Variants in OTULIN observed in about 807,000 individuals in gnomAD.
OTULIN encodes the protein ubiquitin thioesterase otulin.
OTULIN carries 15 observed loss-of-function variants against 39.6 expected under a neutral mutation model. The ratio of observed to expected loss-of-function variants is 0.38; its 90% CI spans 0.25 to 0.58. The LOEUF (loss-of-function observed/expected upper bound fraction) is 0.58, where lower values mean the gene tolerates loss of function less well. Ranked by LOEUF, OTULIN falls within the 20% of genes least tolerant of loss-of-function variation. The pLI is 0.66. For missense variants in OTULIN, 319 were observed against 445.9 expected (o/e 0.72, Z 2.56); for synonymous variants, 156 against 170.3 (o/e 0.92, Z 0.65).
At chr5:14,681,388 T>C in intron 3 of OTULIN, 76 bp from the exon 4 acceptor site, 1 of 1,513,116 alleles carries the variant, frequency 6.6e-7, no homozygotes, top group Non-Finnish European at 8.9e-7. Context: ...GCCAAGCTTT[T>C]TCCACAGGAA....
rs1201195718 is a variant in OTULIN, at chr5:14,698,372, G to A, written c.*5324G>A. ...ATGTGTCCAAAATTTCGCCTGCTCT[G>A]AAAAACATGCCCCCGAGGCTCTGTG... On this transcript the variant is annotated 3_prime_UTR_variant, in exon 7 of 7. Coordinates refer to ENST00000284274, the MANE Select transcript of OTULIN (RefSeq NM_138348.6). The A allele has an allele frequency of 1.3e-5, 2 of 152,218 alleles. No individual in the cohort carries two copies. Among genetic ancestry groups the A allele is most frequent in the Admixed American group, 1.3e-4 (2 of 15,282 alleles). The allele number at this position is 152,218 out of a possible 1,614,324, so 9.4% of individuals were successfully genotyped here.
Position 14,693,090 on chromosome 5 carries a change from C to G in OTULIN, c.*42C>G. Reference sequence around the variant, plus strand: ...ACAGCCTGGCGACGTGGCGAAGATGCACAGGTGGCTCCTGGGCTTGGGCTG... The same window carrying G: ...ACAGCCTGGCGACGTGGCGAAGATGGACAGGTGGCTCCTGGGCTTGGGCTG... On this transcript the variant is annotated 3_prime_UTR_variant, in exon 7 of 7. Coordinates refer to ENST00000284274, the MANE Select transcript of OTULIN (RefSeq NM_138348.6). The G allele has an allele frequency of 3.2e-6, 5 of 1,538,874 alleles. No homozygotes were observed. The highest frequency in any genetic ancestry group is 4.4e-6 in the Non-Finnish European group (5 of 1,133,802).
At chr5:14,680,872 A>C (rs1736230763) in intron 3 of OTULIN, among the ~76,000 whole-genome samples, 1 of 152,224 alleles carries the variant, frequency 6.6e-6, no homozygotes, top group African/African-American at 2.4e-5. Context: ...CAGCCTGGCC[A>C]ACATGATGAA....
chr5:14,702,669 G>A (rs1295298468), downstream of OTULIN, among the ~76,000 whole-genome samples: 1 of 152,136 alleles, frequency 6.6e-6, no homozygotes, highest in Non-Finnish European at 1.5e-5. Flanking sequence ...GGTGCCATCA[G>A]GGGCGGTGGA....
Position 14,690,807 on chromosome 5 carries a change from G to A in OTULIN, c.864+499G>A, listed in dbSNP as rs1014839631. On this transcript the variant is annotated intron_variant, in intron 6 of 6. Transcript: ENST00000284274. This position sits in a 1 kb window ranked among gnomAD's most constrained non-coding sequence, Gnocchi z 4.5. The stretch of plus-strand genomic sequence containing the variant: ...TTGGCTCCACCTTTTTGAATGAGGG[G>A]TACCAAAGAATTGTGGACATACTTT... 5.9e-5 allele frequency among the ~76,000 whole-genome samples: 9 copies of A among 152,186 alleles called. No individual in the cohort carries two copies. The highest frequency in any genetic ancestry group is 2.2e-4 in the African/African-American group (9 of 41,448).
At chr5:14,702,499 C>G (rs555056779), downstream of OTULIN, among the ~76,000 whole-genome samples, 3 of 152,318 alleles carry the variant, frequency 2.0e-5, no homozygotes, top group African/African-American at 2.4e-5. Context: ...CATTTGTATA[C>G]TTTTCTGAAG....
At chr5:14,669,060 G>C (rs1381496448) in intron 1 of OTULIN, among the ~76,000 whole-genome samples, 1 of 152,112 alleles carries the variant, frequency 6.6e-6, no homozygotes, top group South Asian at 2.1e-4. Flanking sequence ...TTATCTCCAG[G>C]TTAAGAGAAA....
chr5:14,713,526 A>G, the OTULIN span: 30 of 1,613,774 alleles, frequency 1.9e-5, 1 homozygote, highest in East Asian at 1.3e-4. The surrounding 1 kb of genome is among the most constrained non-coding windows in gnomAD (Gnocchi z 4.4). Context: ...CACAGCCCCA[A>G]ACTCCCTGAC....
Position 14,681,504 on chromosome 5 carries a change from G to A in OTULIN, c.365G>A (p.Arg122Gln), listed in dbSNP as rs903395664. Residue 122 changes from arginine to glutamine, a missense_variant, in exon 4 of 7, where the codon CGA becomes CAA. Arg to Gln is a conservative substitution (Grantham distance 43, BLOSUM62 1). Coordinates refer to ENST00000284274, the MANE Select transcript of OTULIN (RefSeq NM_138348.6). ...TCTCAGAAGTTCACCTCCATACGGC[G>A]AGTCCGTGGTGATAATTACTGTGCA... ...EVSQKFTSIR[R>Q]VRGDNYCALR... 4 of 1,613,644 alleles carry A rather than the reference G, an allele frequency of 2.5e-6. No homozygotes were observed. The highest frequency in any genetic ancestry group is 1.1e-5 in the South Asian group (1 of 91,022).
At chr5:14,713,084 G>A in the OTULIN span, 27 of 1,068,802 alleles carry the variant, frequency 2.5e-5, 1 homozygote, top group Middle Eastern at 2.0e-4. The surrounding 1 kb of genome is among the most constrained non-coding windows in gnomAD (Gnocchi z 4.4). Flanking sequence ...TGAGACCAGC[G>A]GCGTTCTCCA....
the OTULIN span, chr5:14,709,886 A>G: frequency 6.6e-6 from 1 of 152,642 alleles, no homozygotes; most frequent in African/African-American, 2.4e-5. Flanking sequence ...AAATTACATA[A>G]CATATACAGC....
At chr5:14,669,865 T>C (rs1162450900) in intron 1 of OTULIN, among the ~76,000 whole-genome samples, 1 of 152,238 alleles carries the variant, frequency 6.6e-6, no homozygotes, top group African/African-American at 2.4e-5. Flanking sequence ...CACATAACTA[T>C]AGTGATCAGG....
Position 14,693,132 on chromosome 5 carries a change from T to G in OTULIN, c.*84T>G. ...CTTGGGCTGCAGGTTTGGGGGTCTC[T>G]AAGAACAATCTCTGAGAAGAACCCT... On this transcript the variant is annotated 3_prime_UTR_variant, in exon 7 of 7. Coordinates refer to ENST00000284274, the MANE Select transcript of OTULIN (RefSeq NM_138348.6). The G allele has an allele frequency of 1.5e-6, 2 of 1,336,992 alleles. No homozygotes were observed. The highest frequency in any genetic ancestry group is 2.0e-6 in the Non-Finnish European group (2 of 979,326). 82.8% of individuals were successfully genotyped at this position (1,336,992 alleles called of 1,614,324 possible).
rs114993074 is a variant in OTULIN, at chr5:14,672,664, A to G, written c.153-978A>G. The stretch of plus-strand genomic sequence containing the variant: ...CTCCTTGTTTTCTGCTCAGTGTGTT[A>G]CTCATGCCTCCTGAAGGACTTGATG... On this transcript the variant is annotated intron_variant, in intron 1 of 6. Transcript: ENST00000284274. Among the ~76,000 whole-genome samples, 1,516 of 151,624 alleles carry G rather than the reference A, an allele frequency of 1.0e-2. 28 individuals are homozygous for G. Among genetic ancestry groups the G allele is most frequent in the African/African-American group, 0.035 (1,427 of 41,262 alleles).
chr5:14,691,779 A>G (rs969684310), intron 6 of OTULIN, among the ~76,000 whole-genome samples: 3 of 152,164 alleles, frequency 2.0e-5, no homozygotes, highest in African/African-American at 7.2e-5. Context: ...GCAGCCACTA[A>G]TCTACTTTCT....
the OTULIN span, chr5:14,713,805 C>T: frequency 1.6e-6 from 2 of 1,250,450 alleles, no homozygotes; most frequent in East Asian, 2.4e-5. This position sits in a 1 kb window ranked among gnomAD's most constrained non-coding sequence, Gnocchi z 4.4. Context: ...CTGGCCACCT[C>T]ATCTTCCTGC....
the OTULIN span, chr5:14,707,333 C>T: frequency 6.6e-6 from 1 of 151,792 alleles, no homozygotes; most frequent in East Asian, 1.9e-4. Flanking sequence ...GTCTTCAAAT[C>T]GATGTGTTCC....
chr5:14,687,533 C>G lies in OTULIN; in HGVS notation c.481C>G (p.Leu161Val). ...DPELMLLPEK[L>V]ISKYNWIKQW... ...CTCGATGTTGTAGTTACCAGAAAAA[C>G]TCATAAGCAAATACAACTGGATCAA... The change falls in exon 5 of 7, where the codon CTC (leucine) becomes GTC (valine). Residue 161 changes from leucine to valine, a missense_variant. By Grantham distance (32) the Leu-to-Val change is conservative. Coordinates refer to ENST00000284274, the MANE Select transcript of OTULIN (RefSeq NM_138348.6). 1 of 1,612,912 alleles carries G rather than the reference C, an allele frequency of 6.2e-7. No individual in the cohort carries two copies. Among genetic ancestry groups the G allele is most frequent in the Non-Finnish European group, 8.5e-7 (1 of 1,179,690 alleles).
At chr5:14,711,024 T>C in the OTULIN span, 1 of 675,768 alleles carries the variant, frequency 1.5e-6, no homozygotes, top group South Asian at 1.6e-5. Context: ...CCCCCGTCAG[T>C]GTGAGCATAC....
Sources: gnomAD v4.1 joint callset for allele counts (sites outside exome capture counted in the v4.1 genomes callset) on GRCh38, gnomAD v4.1.1 for gene constraint, Gnocchi (gnomAD v3.1) non-coding constraint, MANE v1.5 for transcripts, NCBI Gene and HGNC (gene_info 2026-07-23, HGNC 2026-07-21) for gene names.